Variants in PYM1 observed in about 807,000 individuals in gnomAD.
PYM1 encodes the protein PYM1 exon junction complex associated factor.
Under a neutral mutation model 20.7 loss-of-function variants are expected in PYM1, and 7 were observed. The ratio of observed to expected loss-of-function variants is 0.34; its 90% CI spans 0.19 to 0.64. PYM1 has a LOEUF of 0.64. PYM1 is among the 30% of genes least tolerant of loss of function. The probability of loss-of-function intolerance (pLI) is 0.74; values close to 1 mark genes in which losing one functional copy is unlikely to be tolerated. For missense variants in PYM1, 194 were observed against 250.0 expected, an observed-to-expected ratio of 0.78 and a Z score of 1.51; for synonymous variants, 100 against 99.2, an observed-to-expected ratio of 1.01 and a Z score of -0.05.
chr12:55,901,531 G>C lies in PYM1; in HGVS notation c.*341C>G. 1 of 223,424 alleles carries C rather than the reference G, an allele frequency of 4.5e-6. No individual in the cohort carries two copies. Among genetic ancestry groups the C allele is most frequent in the Non-Finnish European group, 8.9e-6 (1 of 112,672 alleles). The allele number at this position is 223,424 out of a possible 1,614,324, so 13.8% of individuals were successfully genotyped here. A position where few individuals can be genotyped will look rare whatever the true frequency, so the allele number is the denominator to read the frequency against. On this transcript the variant is annotated 3_prime_UTR_variant, in exon 3 of 3. Coordinates refer to ENST00000408946, the MANE Select transcript of PYM1 (RefSeq NM_032345.3). ...AACAGGAACCAAGACTCCAAGACTT[G>C]GGCATACTCCCTCTACCCTCAGCCT...
rs576289511 is a variant in PYM1 at position 55,918,783 on chromosome 12, G to A, written c.37+8942C>T. ...CTTGGGAGGCTGAGACAGGAGAATC[G>A]CTTGAACCTGAGAGGCAGAGGTCGC... On this transcript the variant is annotated intron_variant, in intron 1 of 2. Coordinates refer to ENST00000408946, the MANE Select transcript of PYM1 (RefSeq NM_032345.3). Among the ~76,000 whole-genome samples, 12 of 152,230 alleles carry A rather than the reference G, an allele frequency of 7.9e-5. No homozygotes were observed. The South Asian group carries it at 1.9e-3, about 24-fold the overall frequency.
chr12:55,901,426 G>C lies in PYM1; in HGVS notation c.*446C>G, dbSNP rs904962688. 3 of 158,396 alleles carry C rather than the reference G, an allele frequency of 1.9e-5. No homozygotes were observed. Among genetic ancestry groups the C allele is most frequent in the African/African-American group, 7.4e-5 (3 of 40,788 alleles). The allele number at this position is 158,396 out of a possible 1,614,324, so 9.8% of individuals were successfully genotyped here. The stretch of plus-strand genomic sequence containing the variant: ...GAGGCAAAGCCAGACATGTCTACTT[G>C]TGTTTATTCTCATTTTTGCTTTTTT... On this transcript the variant is annotated 3_prime_UTR_variant, in exon 3 of 3. Coordinates refer to ENST00000408946, the MANE Select transcript of PYM1 (RefSeq NM_032345.3).
intron 1 of PYM1, among the ~76,000 whole-genome samples, chr12:55,922,143 G>C (rs936314261): frequency 9.9e-5 from 15 of 152,076 alleles, no homozygotes; most frequent in African/African-American, 4.8e-5. Flanking sequence ...TGGGATTACA[G>C]GCATATGCCA....
At position 55,903,398 on chromosome 12, in the gene PYM1, C is replaced by T; in HGVS notation, c.120G>A (p.Glu40=). 6.2e-7 allele frequency: 1 copy of T among 1,614,078 alleles called. No individual in the cohort carries two copies. ...GCCTAACCACGTACACTGGGACCTC[C>T]TCCTGGGGCACATATCCTTCTTTCA... ...RRVKEGYVPQ[E]EVPVYENKYV... Residue 40 remains glutamate, a synonymous_variant, in exon 2 of 3, where the codon GAG becomes GAA. Coordinates refer to ENST00000408946, the MANE Select transcript of PYM1 (RefSeq NM_032345.3).
chr12:55,915,469 G>A (rs1053638389), intron 1 of PYM1, among the ~76,000 whole-genome samples: 2 of 150,926 alleles, frequency 1.3e-5, no homozygotes, highest in African/African-American at 4.9e-5. Context: ...TCGGGAGGCT[G>A]AGACAGGAGA....
intron 1 of PYM1, chr12:55,927,039 G>T (rs1883205319): frequency 6.7e-7 from 1 of 1,496,036 alleles, no homozygotes; most frequent in South Asian, 1.3e-5. Flanking sequence ...TGCCCCGAGA[G>T]CCCGGAGAGA....
intron 1 of PYM1, among the ~76,000 whole-genome samples, chr12:55,911,863 G>A (rs776256548): frequency 6.6e-6 from 1 of 151,190 alleles, no homozygotes; most frequent in Non-Finnish European, 1.5e-5. Context: ...GGGAGGGGAG[G>A]GGAGGGGAGA....
intron 1 of PYM1, among the ~76,000 whole-genome samples, chr12:55,910,450 GT>G (rs1408468375): frequency 3.3e-5 from 5 of 151,318 alleles, no homozygotes; most frequent in African/African-American, 1.2e-4. Flanking sequence ...GCTAATTACT[GT>G]TTTTGTTTTT....
Position 55,901,579 on chromosome 12 carries a change from C to T in PYM1, c.*293G>A, listed in dbSNP as rs1882688054. The T allele has an allele frequency of 3.0e-6, 1 of 334,222 alleles. No homozygotes were observed. Among genetic ancestry groups the T allele is most frequent in the South Asian group, 6.0e-5 (1 of 16,642 alleles). 20.7% of individuals were successfully genotyped at this position (334,222 alleles called of 1,614,324 possible). On this transcript the variant is annotated 3_prime_UTR_variant, in exon 3 of 3. Coordinates refer to ENST00000408946, the MANE Select transcript of PYM1 (RefSeq NM_032345.3). ...CCTCAGTTCTCCAAGAGATTCCCACCCACCTGATTTTCTTTTAAACAAGAC... is the reference window on the plus strand; with the variant it reads ...CCTCAGTTCTCCAAGAGATTCCCACTCACCTGATTTTCTTTTAAACAAGAC...
chr12:55,914,466 T>C, intron 1 of PYM1: 2 of 650,138 alleles, frequency 3.1e-6, no homozygotes, highest in South Asian at 3.3e-5. Context: ...AAGAATCTTT[T>C]TAAGCTTTGT....
rs189353150 is a variant in PYM1 at position 55,918,380 on chromosome 12, G to A, written c.37+9345C>T. ...CTCCCAAAGTGCTGGGATTACAGGC[G>A]TGAGCCACTGCGCCCAACCACAAAC... On this transcript the variant is annotated intron_variant, in intron 1 of 2. Transcript: ENST00000408946. Among the ~76,000 whole-genome samples, 55 of 152,114 alleles carry A rather than the reference G, an allele frequency of 3.6e-4. 1 individual carries two copies. Among genetic ancestry groups the A allele is most frequent in the Admixed American group, 1.2e-3 (18 of 15,282 alleles).
intron 1 of PYM1, among the ~76,000 whole-genome samples, chr12:55,915,835 G>A (rs1882996547): frequency 1.3e-5 from 2 of 152,190 alleles, no homozygotes; most frequent in South Asian, 4.1e-4. Context: ...ATTTCTGCAG[G>A]CAGAGAAAAG....
chr12:55,914,340 A>G (rs1882971253), intron 1 of PYM1: 3 of 702,242 alleles, frequency 4.3e-6, no homozygotes, highest in Non-Finnish European at 7.8e-6. Context: ...AGTCAAAAAG[A>G]AGGGAGAGGT....
Position 55,902,374 on chromosome 12 carries a change from G to A in PYM1, c.132-19C>T, listed in dbSNP as rs1359631651. On this transcript the variant is annotated intron_variant, in intron 2 of 2. Coordinates refer to ENST00000408946, the MANE Select transcript of PYM1 (RefSeq NM_032345.3). Reference sequence around the variant, plus strand: ...TTCATATCTGCAGGAAACAAAGGATGTCAAGAGTTTCAGAGAATTACTGAC... The same window carrying A: ...TTCATATCTGCAGGAAACAAAGGATATCAAGAGTTTCAGAGAATTACTGAC... The A allele has an allele frequency of 6.3e-7, 1 of 1,586,308 alleles. No homozygotes were observed. The highest frequency in any genetic ancestry group is 1.7e-4 in the Middle Eastern group (1 of 5,848).
At chr12:55,917,720 G>C (rs530460128) in intron 1 of PYM1, among the ~76,000 whole-genome samples, 5 of 152,114 alleles carry the variant, frequency 3.3e-5, no homozygotes, top group African/African-American at 1.2e-4. Context: ...CCAGCACTTT[G>C]GGAGGCCAAG....
chr12:55,904,848 TC>T (rs1882764816), intron 1 of PYM1, among the ~76,000 whole-genome samples: 1 of 151,550 alleles, frequency 6.6e-6, no homozygotes, highest in South Asian at 2.1e-4. Flanking sequence ...AAATAAATGT[TC>T]TGACACTGAC....
intron 1 of PYM1, among the ~76,000 whole-genome samples, chr12:55,920,032 T>TA (rs1883071935): frequency 2.0e-5 from 3 of 151,836 alleles, no homozygotes; most frequent in South Asian, 2.1e-4. Context: ...CATAGCTCTA[T>TA]AAAAAAATTC....
Position 55,902,278 on chromosome 12 carries a change from G to A in PYM1, c.209C>T (p.Pro70Leu). The A allele has an allele frequency of 6.2e-7, 1 of 1,614,178 alleles. No individual in the cohort carries two copies. The highest frequency in any genetic ancestry group is 1.1e-5 in the South Asian group (1 of 91,088). ...ACCTTCAGGCCTGGATGGGGTGACA[G>A]GAGCAGTGGCCTCAGGGCTTAGCCC... ...PPGLSPEATA[P>L]VTPSRPEGGE... The change falls in exon 3 of 3, where the codon CCT (proline) becomes CTT (leucine). Residue 70 changes from proline to leucine, a missense_variant. Pro to Leu is a moderately conservative substitution (Grantham distance 98, BLOSUM62 -3). Around this residue, in one of 3 missense-constraint regions of PYM1, gnomAD observed 158 missense variants for 179.0 expected, o/e 0.88. Transcript: ENST00000408946.
intron 1 of PYM1, among the ~76,000 whole-genome samples, chr12:55,918,392 G>C (rs569647972): frequency 6.6e-6 from 1 of 151,216 alleles, no homozygotes; most frequent in African/African-American, 2.4e-5. Context: ...GAGCCACTGC[G>C]CCCAACCACA....
Sources: allele counts gnomAD v4.1 joint callset (sites outside exome capture counted in the v4.1 genomes callset), GRCh38; gene constraint gnomAD v4.1.1; regional missense constraint gnomAD v4.1.1; transcripts MANE v1.5; gene names NCBI Gene and HGNC (gene_info 2026-07-23, HGNC 2026-07-21).